GLIS1: variants seen among roughly 807,000 people sequenced by gnomAD.
GLIS1 encodes the protein GLIS family zinc finger 1.
In GLIS1, 24 loss-of-function variants were observed where a neutral mutation model predicts 63.8. The observed-to-expected ratio is 0.38, with a 90% CI of 0.27 to 0.53. The LOEUF is 0.53. Among genes scored for constraint, GLIS1 ranks in the 20% least tolerant of loss-of-function variants. GLIS1 has a pLI of 0.85. For missense variants in GLIS1, 1,036 were observed against 1,074.1 expected, an observed-to-expected ratio of 0.96 and a Z score of 0.50; for synonymous variants, 450 against 482.5, an observed-to-expected ratio of 0.93 and a Z score of 0.88.
intron 2 of GLIS1, among the ~76,000 whole-genome samples, chr1:53,666,520 C>G (rs1646092916): frequency 6.6e-6 from 1 of 152,144 alleles, no homozygotes; most frequent in Admixed American, 6.5e-5. Context: ...TCAGAAGCAG[C>G]TCTCAGGTCC....
At chr1:53,507,387 C>G (rs1349078805) in intron 10 of GLIS1, among the ~76,000 whole-genome samples, 1 of 152,182 alleles carries the variant, frequency 6.6e-6, no homozygotes, top group East Asian at 1.9e-4. Flanking sequence ...TGGGATTGAA[C>G]CCAGGTCCAT....
chr1:53,548,082 G>A (rs1484070893), intron 4 of GLIS1, among the ~76,000 whole-genome samples: 3 of 152,158 alleles, frequency 2.0e-5, no homozygotes, highest in Non-Finnish European at 4.4e-5. Context: ...TGCTGTTTTC[G>A]CACGGGGGGC....
intron 2 of GLIS1, among the ~76,000 whole-genome samples, chr1:53,676,108 T>C (rs1484649984): frequency 6.6e-6 from 1 of 152,192 alleles, no homozygotes; most frequent in East Asian, 1.9e-4. Flanking sequence ...TTGGATTCAC[T>C]TTGGGATTCA....
intron 2 of GLIS1, among the ~76,000 whole-genome samples, chr1:53,714,022 C>T (rs1350490526): frequency 6.6e-6 from 1 of 152,166 alleles, no homozygotes; most frequent in Non-Finnish European, 1.5e-5. Context: ...TTCCCCATTT[C>T]CCTCCACTTT....
chr1:53,514,163 C>T (rs1435451668), intron 8 of GLIS1, among the ~76,000 whole-genome samples: 1 of 152,222 alleles, frequency 6.6e-6, no homozygotes, highest in Non-Finnish European at 1.5e-5. Context: ...GCAGGCCGGG[C>T]AATGCCCCAG....
intron 4 of GLIS1, among the ~76,000 whole-genome samples, chr1:53,590,027 G>A (rs1223074396): frequency 6.6e-6 from 1 of 152,158 alleles, no homozygotes; most frequent in Non-Finnish European, 1.5e-5. Context: ...CCCATTGACT[G>A]GCTCTTTTGA....
At chr1:53,516,823 A>G (rs1002357868) in intron 7 of GLIS1, among the ~76,000 whole-genome samples, 8 of 151,940 alleles carry the variant, frequency 5.3e-5, no homozygotes, top group Admixed American at 1.3e-4. Flanking sequence ...ACAAAAAACA[A>G]AAAACAAAGC....
chr1:53,636,406 A>G (rs1280337253), intron 2 of GLIS1, among the ~76,000 whole-genome samples: 1 of 152,144 alleles, frequency 6.6e-6, no homozygotes, highest in Admixed American at 6.5e-5. Flanking sequence ...TCCACTCATG[A>G]TTTTAAAATA....
intron 4 of GLIS1, among the ~76,000 whole-genome samples, chr1:53,576,715 T>C (rs941128): frequency 0.051 from 7,800 of 152,152 alleles, 582 homozygotes; most frequent in East Asian, 0.39. Context: ...CACACACATA[T>C]GCACACATAC....
Position 53,526,275 on chromosome 1 carries a change from C to T in GLIS1, c.1483-1388G>A, listed in dbSNP as rs1192649640. ...TGGACTAAGGAGAGGCCAGGCCAACCTCAGACCCAGGGAGAGGTACCCATG... is the reference window on the plus strand; with the variant it reads ...TGGACTAAGGAGAGGCCAGGCCAACTTCAGACCCAGGGAGAGGTACCCATG... On this transcript the variant is annotated intron_variant, in intron 5 of 10. Transcript: ENST00000628545. The surrounding 1 kb of genome is among the most constrained non-coding windows in gnomAD (Gnocchi z 4.4). Among the ~76,000 whole-genome samples, 3 of 152,126 alleles carry T rather than the reference C, an allele frequency of 2.0e-5. No homozygotes were observed. The highest frequency in any genetic ancestry group is 2.0e-4 in the Admixed American group (3 of 15,280).
At chr1:53,713,686 C>T (rs886725255) in intron 2 of GLIS1, among the ~76,000 whole-genome samples, 4 of 152,158 alleles carry the variant, frequency 2.6e-5, no homozygotes, top group Admixed American at 6.5e-5. Context: ...CGCTTGAGCC[C>T]AGGAAGTTGA....
intron 4 of GLIS1, among the ~76,000 whole-genome samples, chr1:53,585,278 C>T (rs575688389): frequency 1.3e-5 from 2 of 151,948 alleles, no homozygotes; most frequent in Admixed American, 6.6e-5. Context: ...GCGCCAGGCA[C>T]GAGGTAAGTG....
chr1:53,551,207 G>C (rs993103105), intron 4 of GLIS1, among the ~76,000 whole-genome samples: 2 of 152,238 alleles, frequency 1.3e-5, no homozygotes, highest in Non-Finnish European at 2.9e-5. Context: ...ATTGTGCTAA[G>C]AGAGGAGCCA....
chr1:53,594,643 G>C lies in GLIS1; in HGVS notation c.785C>G (p.Thr262Ser). The C allele has an allele frequency of 1.3e-6, 2 of 1,558,882 alleles. No individual in the cohort carries two copies. Among genetic ancestry groups the C allele is most frequent in the Non-Finnish European group, 1.7e-6 (2 of 1,149,392 alleles). The change falls in exon 4 of 11, where the codon ACC becomes AGC. Residue 262 changes from threonine (T) to serine (S), a missense_variant. This residue lies in a region of GLIS1 where 592 missense variants were observed against 593.9 expected (regional missense o/e 1.00). Coordinates refer to ENST00000628545, the MANE Select transcript of GLIS1 (RefSeq NM_001367484.1). ...SSSPCASSDV[T>S]SIIRSSQTSL... ...CGTCTGGGAGGAGCGGATGATGGAG[G>C]TGACGTCGGAGGAGGCACAGGGTGA...
At chr1:53,708,655 C>T (rs950523980) in intron 2 of GLIS1, among the ~76,000 whole-genome samples, 2 of 152,196 alleles carry the variant, frequency 1.3e-5, no homozygotes, top group African/African-American at 4.8e-5. Flanking sequence ...ACAAAAGGCA[C>T]GCTGGCACAG....
chr1:53,685,440 T>C (rs1237433222), intron 2 of GLIS1, among the ~76,000 whole-genome samples: 4 of 152,212 alleles, frequency 2.6e-5, no homozygotes, highest in African/African-American at 4.8e-5. Flanking sequence ...CCGTAATGAG[T>C]CTGACCTCCT....
In GLIS1 at chr1:53,632,959, C is replaced by T. The variant is rs189971871; in HGVS notation, c.260-32681G>A. On this transcript the variant is annotated intron_variant, in intron 2 of 10. Transcript: ENST00000628545. Reference sequence around the variant, plus strand: ...GGGGCATGTGAATGTGACTGAGGGGCGTGTATATGTGTGACCGAGGGGTGT... The same window carrying T: ...GGGGCATGTGAATGTGACTGAGGGGTGTGTATATGTGTGACCGAGGGGTGT... Among the ~76,000 whole-genome samples the T allele has an allele frequency of 5.6e-3, 517 of 92,594 alleles. 4 individuals are homozygous for T. Among genetic ancestry groups the T allele is most frequent in the Middle Eastern group, 0.031 (2 of 64 alleles). 60.7% of individuals were successfully genotyped at this position (92,594 alleles called of 152,430 possible). A position where few individuals can be genotyped will look rare whatever the true frequency, so the allele number is the denominator to read the frequency against.
At position 53,560,171 on chromosome 1, in the gene GLIS1, A is replaced by G. The variant is rs1202173459; in HGVS notation, c.1321-30219T>C. On this transcript the variant is annotated intron_variant, in intron 4 of 10. Transcript: ENST00000628545. The surrounding 1 kb of genome is among the most constrained non-coding windows in gnomAD (Gnocchi z 4.4). ...GGGACTGCCTCCTTGATGAAGATAC[A>G]GAAATGAATCCAATACGAAGCTGGA... 6.6e-6 allele frequency among the ~76,000 whole-genome samples: 1 copy of G among 152,242 alleles called. No individual in the cohort carries two copies. The highest frequency in any genetic ancestry group is 1.5e-5 in the Non-Finnish European group (1 of 68,044).
At chr1:53,578,085 C>T (rs927814420) in intron 4 of GLIS1, among the ~76,000 whole-genome samples, 8 of 152,288 alleles carry the variant, frequency 5.3e-5, no homozygotes, top group Admixed American at 1.3e-4. Context: ...GTGTCACCCT[C>T]GGGGACCTTG....
Sources: gnomAD v4.1 joint callset for allele counts (sites outside exome capture counted in the v4.1 genomes callset) on GRCh38, gnomAD v4.1.1 for gene constraint, gnomAD v4.1.1 regional missense constraint, Gnocchi (gnomAD v3.1) non-coding constraint, MANE v1.5 for transcripts, NCBI Gene and HGNC (gene_info 2026-07-23, HGNC 2026-07-21) for gene names.